WASF2: variants seen among roughly 807,000 people sequenced by gnomAD.
WASF2 encodes the protein actin-binding protein WASF2.
A neutral mutation model predicts 45.0 loss-of-function variants in WASF2; 14 were observed. The observed-to-expected ratio is 0.31, with a 90% CI of 0.21 to 0.49. The LOEUF (loss-of-function observed/expected upper bound fraction) is 0.49. WASF2 is among the 20% of genes least tolerant of loss of function. The pLI is 0.99. For missense variants in WASF2, 439 were observed against 636.1 expected, an observed-to-expected ratio of 0.69 and a Z score of 3.33; for synonymous variants, 200 against 236.3, an observed-to-expected ratio of 0.85 and a Z score of 1.41.
chr1:27,458,040 T>A (rs2017496049), intron 1 of WASF2, among the ~76,000 whole-genome samples: 1 of 152,016 alleles, frequency 6.6e-6, no homozygotes, highest in African/African-American at 2.4e-5. Flanking sequence ...CTGGGCGCGG[T>A]GGCTCATGCC....
At chr1:27,487,626 TAC>T (rs2017957754) in intron 1 of WASF2, among the ~76,000 whole-genome samples, 1 of 89,088 alleles carries the variant, frequency 1.1e-5, no homozygotes, top group East Asian at 3.5e-4. Context: ...ATATATTTTA[TAC>T]AATATATAAT....
intron 1 of WASF2, among the ~76,000 whole-genome samples, chr1:27,487,629 A>AAT (rs1283468970): frequency 3.5e-5 from 3 of 86,938 alleles, no homozygotes; most frequent in African/African-American, 1.6e-4. Flanking sequence ...TATTTTATAC[A>AAT]ATATATAATA....
intron 2 of WASF2, among the ~76,000 whole-genome samples, chr1:27,424,397 A>G (rs956579979): frequency 1.3e-5 from 2 of 152,244 alleles, no homozygotes; most frequent in Non-Finnish European, 2.9e-5. Context: ...TTGTGCATCA[A>G]TAGCACGGAA....
At chr1:27,413,725 T>TA (rs1330220133) in intron 6 of WASF2, among the ~76,000 whole-genome samples, 1 of 152,100 alleles carries the variant, frequency 6.6e-6, no homozygotes, top group Non-Finnish European at 1.5e-5. Flanking sequence ...CACACATGGG[T>TA]AGCTGGCATT....
chr1:27,452,044 G>C (rs1241265762), intron 1 of WASF2, among the ~76,000 whole-genome samples: 1 of 152,166 alleles, frequency 6.6e-6, no homozygotes, highest in African/African-American at 2.4e-5. Flanking sequence ...ACAGGTAACT[G>C]AAACTGGATA....
At position 27,407,875 on chromosome 1, in the gene WASF2, A is replaced by G. The variant is rs529319639; in HGVS notation, c.*314T>C. 2.7e-4 allele frequency: 69 copies of G among 255,802 alleles called. No homozygotes were observed. The highest frequency in any genetic ancestry group is 4.1e-4 in the Non-Finnish European group (55 of 133,468). 15.8% of individuals were successfully genotyped at this position (255,802 alleles called of 1,614,324 possible). A position where few individuals can be genotyped will look rare whatever the true frequency, so the allele number is the denominator to read the frequency against. On this transcript the variant is annotated 3_prime_UTR_variant, in exon 9 of 9. Transcript: ENST00000618852. Reference sequence around the variant, plus strand: ...GGCTCCTAAGGGAAGCCCCATCTCCAACAGAAACCCGATCAAAGGAATCTG... The same window carrying G: ...GGCTCCTAAGGGAAGCCCCATCTCCGACAGAAACCCGATCAAAGGAATCTG...
chr1:27,417,850 C>T (rs1430208044), intron 4 of WASF2, among the ~76,000 whole-genome samples: 2 of 152,202 alleles, frequency 1.3e-5, no homozygotes, highest in Non-Finnish European at 2.9e-5. Context: ...CACACCCAAA[C>T]ATCTGGTAAT....
At chr1:27,468,574 G>C (rs2017646593) in intron 1 of WASF2, among the ~76,000 whole-genome samples, 1 of 151,868 alleles carries the variant, frequency 6.6e-6, no homozygotes, top group Non-Finnish European at 1.5e-5. Context: ...CTGGGGGACA[G>C]AGGTTACAAT....
chr1:27,453,613 C>T (rs76815695), intron 1 of WASF2, among the ~76,000 whole-genome samples: 10,701 of 143,694 alleles, frequency 0.074, 441 homozygotes, highest in Middle Eastern at 0.13. Context: ...AAAAAAAGGG[C>T]CAAGCGCGGT....
intron 1 of WASF2, among the ~76,000 whole-genome samples, chr1:27,475,216 C>A (rs891804135): frequency 6.6e-6 from 1 of 152,100 alleles, no homozygotes; most frequent in Non-Finnish European, 1.5e-5. Flanking sequence ...CAAGACTGTG[C>A]CACTAGCCTG....
At chr1:27,417,901 G>A (rs2016848042) in intron 4 of WASF2, among the ~76,000 whole-genome samples, 1 of 86,972 alleles carries the variant, frequency 1.1e-5, no homozygotes. Flanking sequence ...CTAGAATGTT[G>A]CCCCTGGGAT....
At position 27,408,125 on chromosome 1, in the gene WASF2, G is replaced by A; in HGVS notation, c.*64C>T. 6.3e-7 allele frequency: 1 copy of A among 1,576,458 alleles called. No individual in the cohort carries two copies. Among genetic ancestry groups the A allele is most frequent in the Non-Finnish European group, 8.7e-7 (1 of 1,155,722 alleles). The stretch of plus-strand genomic sequence containing the variant: ...TTTTCTCCCCCTACGGGTCTGTTGG[G>A]GTTGGCATCAAAGAAGGCAGGTAGG... On this transcript the variant is annotated 3_prime_UTR_variant, in exon 9 of 9. Coordinates refer to ENST00000618852, the MANE Select transcript of WASF2 (RefSeq NM_006990.5).
At chr1:27,415,744 T>C (rs986955432) in intron 5 of WASF2, among the ~76,000 whole-genome samples, 11 of 152,192 alleles carry the variant, frequency 7.2e-5, no homozygotes, top group Admixed American at 7.2e-4. Context: ...AGTCAATTTC[T>C]AAAACTCAGC....
intron 1 of WASF2, among the ~76,000 whole-genome samples, chr1:27,431,070 A>G (rs2017056970): frequency 6.6e-6 from 1 of 152,188 alleles, no homozygotes; most frequent in African/African-American, 2.4e-5. Context: ...TTGGGGAACA[A>G]GATTTCCTGT....
At chr1:27,459,308 G>A (rs1249330597) in intron 1 of WASF2, 1 of 152,054 alleles carries the variant, frequency 6.6e-6, no homozygotes, top group African/African-American at 2.4e-5. Flanking sequence ...ATATGGGTAT[G>A]TGCCATCATA....
intron 1 of WASF2, among the ~76,000 whole-genome samples, chr1:27,487,657 A>T (rs1353982916): frequency 4.8e-5 from 5 of 104,778 alleles, no homozygotes; most frequent in African/African-American, 1.9e-4. Context: ...TATATTATAT[A>T]ATATATATTA....
rs2016734620 is a variant in WASF2, at chr1:27,409,773, G to T, written c.1258C>A (p.Leu420Ile). The T allele has an allele frequency of 5.8e-6, 9 of 1,547,316 alleles. No homozygotes were observed. Among genetic ancestry groups the T allele is most frequent in the Non-Finnish European group, 7.8e-6 (9 of 1,147,280 alleles). Reference sequence around the variant, plus strand: ...GACTTGGGCTTGGTGGTATCAGAAAGCGGTGGTGGTATAGCAGGCTGGCCA... The same window carrying T: ...GACTTGGGCTTGGTGGTATCAGAAATCGGTGGTGGTATAGCAGGCTGGCCA... The part of the protein sequence containing the change: ...ADGQPAIPPP[L>I]SDTTKPKSSL... The change falls in exon 8 of 9, where the codon CTT becomes ATT. Residue 420 changes from leucine (L) to isoleucine (I), a missense_variant. Leu to Ile is a conservative substitution (Grantham distance 5). Around this residue, in one of 5 missense-constraint regions of WASF2, gnomAD observed 286 missense variants for 373.5 expected, o/e 0.77. Transcript: ENST00000618852.
In WASF2 at chr1:27,448,589, G is replaced by A. The variant is rs557532012; in HGVS notation, c.-43-19656C>T. ...CCACTGGCCAGGCACAATAGCTCAC[G>A]CCTGTAATCCCAGCACTTTGGGAGG... On this transcript the variant is annotated intron_variant, in intron 1 of 8. Transcript: ENST00000618852. 2.6e-5 allele frequency among the ~76,000 whole-genome samples: 4 copies of A among 152,132 alleles called. No individual in the cohort carries two copies. The South Asian group carries it at 6.2e-4, about 24-fold the overall frequency.
At position 27,405,415 on chromosome 1, in the gene WASF2, A is replaced by C. The variant is rs963276245; in HGVS notation, c.*2774T>G. 6.6e-6 allele frequency: 1 copy of C among 152,222 alleles called. No homozygotes were observed. Among genetic ancestry groups the C allele is most frequent in the Non-Finnish European group, 1.5e-5 (1 of 68,058 alleles). 9.4% of individuals were successfully genotyped at this position (152,222 alleles called of 1,614,324 possible). On this transcript the variant is annotated 3_prime_UTR_variant, in exon 9 of 9. Transcript: ENST00000618852. ...GGTCCCTTGGGCGGGGTGAACCAGG[A>C]AGGGAGGAGGCTCCTTGGCTTCGGC...
Sources: gnomAD v4.1 joint callset for allele counts (sites outside exome capture counted in the v4.1 genomes callset) on GRCh38, gnomAD v4.1.1 for gene constraint, gnomAD v4.1.1 regional missense constraint, MANE v1.5 for transcripts, NCBI Gene and HGNC (gene_info 2026-07-23, HGNC 2026-07-21) for gene names.